The following NEGR1 variants were observed in gnomAD, a reference collection of about 807,000 sequenced individuals.
NEGR1 encodes neuronal growth regulator 1, also known as IgLON family member 4.
A neutral mutation model predicts 40.9 loss-of-function variants in NEGR1; 10 were observed. That is an observed-to-expected ratio of 0.24 (90% confidence interval 0.15 to 0.42). NEGR1 has a LOEUF of 0.42. Ranked by LOEUF, NEGR1 falls within the 10% of genes least tolerant of loss-of-function variation. NEGR1 has a pLI of 1.00. For missense variants in NEGR1, 352 were observed against 438.9 expected, an observed-to-expected ratio of 0.80 and a Z score of 1.77; for synonymous variants, 185 against 166.8, an observed-to-expected ratio of 1.11 and a Z score of -0.84.
At chr1:71,994,935 T>C (rs762237363) in intron 1 of NEGR1, among the ~76,000 whole-genome samples, 1 of 144,886 alleles carries the variant, frequency 6.9e-6, no homozygotes, top group African/African-American at 2.6e-5. Context: ...GGCATCAGTA[T>C]GCCAGGATGT....
At chr1:72,131,364 A>G (rs767320582) in intron 1 of NEGR1, among the ~76,000 whole-genome samples, 3 of 152,212 alleles carry the variant, frequency 2.0e-5, no homozygotes, top group Non-Finnish European at 4.4e-5. Context: ...CAAGATATGC[A>G]CACATACATC....
intron 1 of NEGR1, among the ~76,000 whole-genome samples, chr1:72,184,791 A>G (rs990636435): frequency 6.6e-6 from 1 of 151,982 alleles, no homozygotes; most frequent in African/African-American, 2.4e-5. Context: ...TAGTTTGTCA[A>G]TCCTGGCAAT....
intron 1 of NEGR1, among the ~76,000 whole-genome samples, chr1:72,095,826 G>A (rs1212546063): frequency 2.0e-5 from 3 of 152,068 alleles, no homozygotes; most frequent in South Asian, 2.1e-4. Flanking sequence ...GAATACCTAC[G>A]AGGGTGAATT....
At chr1:71,643,701 T>C (rs2101575731) in intron 4 of NEGR1, among the ~76,000 whole-genome samples, 1 of 152,116 alleles carries the variant, frequency 6.6e-6, no homozygotes, top group East Asian at 1.9e-4. Context: ...TCTAAACTTC[T>C]TCAAATTCAG....
chr1:71,688,377 C>T (rs57550431), intron 4 of NEGR1, among the ~76,000 whole-genome samples: 69,249 of 70,682 alleles, frequency 0.98, 34,041 homozygotes, highest in Middle Eastern at 1. Flanking sequence ...GAGATATATA[C>T]ATAAAAGATA....
intron 2 of NEGR1, among the ~76,000 whole-genome samples, chr1:71,865,597 G>C (rs887522292): frequency 6.6e-6 from 1 of 152,104 alleles, no homozygotes; most frequent in African/African-American, 2.4e-5. Context: ...ACTGGGGCCT[G>C]TCAGGGTGTG....
intron 1 of NEGR1, among the ~76,000 whole-genome samples, chr1:71,955,276 C>CA (rs1426931527): frequency 6.6e-6 from 1 of 151,924 alleles, no homozygotes; most frequent in Non-Finnish European, 1.5e-5. Context: ...TGTGGCCTAC[C>CA]AAAAAATATT....
chr1:71,924,022 C>T (rs1473998649), intron 2 of NEGR1, among the ~76,000 whole-genome samples: 2 of 152,024 alleles, frequency 1.3e-5, no homozygotes, highest in Non-Finnish European at 2.9e-5. Context: ...AATCCTCTCA[C>T]CTCAGCCTCC....
rs567902038 is a variant in NEGR1, at chr1:71,546,774, A to G, written c.940+46043T>C. Reference sequence around the variant, plus strand: ...TTAATACTTAAGCAGTGATTCTTATAAAGTATTGGGTAAGGGGTGGCCCTC... The same window carrying G: ...TTAATACTTAAGCAGTGATTCTTATGAAGTATTGGGTAAGGGGTGGCCCTC... On this transcript the variant is annotated intron_variant, in intron 6 of 6. Coordinates refer to ENST00000357731, the MANE Select transcript of NEGR1 (RefSeq NM_173808.3). Among the ~76,000 whole-genome samples the G allele has an allele frequency of 5.5e-4, 84 of 151,754 alleles. No individual in the cohort carries two copies. In the Middle Eastern group the frequency reaches 0.01, roughly 18 times the overall value.
At chr1:72,039,709 G>T (rs2821282) in intron 1 of NEGR1, among the ~76,000 whole-genome samples, 53,218 of 151,680 alleles carry the variant, frequency 0.35, 11,561 homozygotes, top group African/African-American at 0.61. Context: ...ATGAATATGA[G>T]GTCAAATAAT....
chr1:71,983,824 T>A (rs1053750928), intron 1 of NEGR1, among the ~76,000 whole-genome samples: 8 of 152,214 alleles, frequency 5.3e-5, no homozygotes, highest in Non-Finnish European at 1.5e-5. Flanking sequence ...CTCCATTTTA[T>A]TTGTAATTGA....
intron 6 of NEGR1, among the ~76,000 whole-genome samples, chr1:71,541,573 C>T (rs749272261): frequency 1.3e-5 from 2 of 151,832 alleles, no homozygotes; most frequent in South Asian, 2.1e-4. Context: ...ACGGGACATG[C>T]GTTATAGGCA....
chr1:71,754,235 T>C (rs1655659704), intron 3 of NEGR1, among the ~76,000 whole-genome samples: 1 of 152,074 alleles, frequency 6.6e-6, no homozygotes, highest in African/African-American at 2.4e-5. Flanking sequence ...GCTCTCTGTG[T>C]TGGTCAAACA....
intron 1 of NEGR1, among the ~76,000 whole-genome samples, chr1:71,958,769 T>G (rs556586862): frequency 6.6e-6 from 1 of 151,938 alleles, no homozygotes; most frequent in African/African-American, 2.4e-5. Context: ...CTGGCCAACA[T>G]AGTGAAACCC....
intron 1 of NEGR1, among the ~76,000 whole-genome samples, chr1:72,175,666 T>C (rs1652137712): frequency 6.6e-6 from 1 of 151,752 alleles, no homozygotes; most frequent in Non-Finnish European, 1.5e-5. Flanking sequence ...CAAGCATGTG[T>C]TTAAACTAGG....
At chr1:72,149,879 CAAAAAAAAAA>C (rs1180110033) in intron 1 of NEGR1, among the ~76,000 whole-genome samples, 1 of 39,392 alleles carries the variant, frequency 2.5e-5, no homozygotes, top group Admixed American at 3.3e-4. Context: ...AAAACTCTGT[CAAAAAAAAAA>C]AAAAAAAAAA....
At chr1:72,008,139 G>C (rs1557480797) in intron 1 of NEGR1, among the ~76,000 whole-genome samples, 1 of 152,116 alleles carries the variant, frequency 6.6e-6, no homozygotes, top group South Asian at 2.1e-4. Flanking sequence ...GGATATACGT[G>C]TTCATTGGTG....
intron 5 of NEGR1, among the ~76,000 whole-genome samples, chr1:71,596,481 G>T (rs1054172539): frequency 6.6e-6 from 1 of 152,176 alleles, no homozygotes; most frequent in Non-Finnish European, 1.5e-5. Context: ...GATAACTACA[G>T]ATACTTATAT....
chr1:71,635,226 A>G (rs999251448), intron 4 of NEGR1, among the ~76,000 whole-genome samples: 9 of 152,096 alleles, frequency 5.9e-5, no homozygotes, highest in Non-Finnish European at 1.2e-4. Context: ...ATACACATTA[A>G]TTATTACTGG....
Sources: allele counts gnomAD v4.1 joint callset (sites outside exome capture counted in the v4.1 genomes callset), GRCh38; gene constraint gnomAD v4.1.1; transcripts MANE v1.5; gene names NCBI Gene and HGNC (gene_info 2026-07-23, HGNC 2026-07-21).